The following IGF2BP3 variants were observed in gnomAD, a reference collection of about 807,000 sequenced individuals.
IGF2BP3 encodes insulin-like growth factor 2 mRNA-binding protein 3.
In IGF2BP3, 9 loss-of-function variants were observed where a neutral mutation model predicts 73.8. The observed-to-expected ratio is 0.12, with a 90% CI of 0.07 to 0.21. IGF2BP3 has a LOEUF of 0.21. IGF2BP3 is among the 10% of genes least tolerant of loss of function. IGF2BP3 has a pLI of 1.00. For missense variants in IGF2BP3, 542 were observed against 714.0 expected (o/e 0.76, Z 2.75); for synonymous variants, 258 against 256.7 (o/e 1.01, Z -0.05).
At chr7:23,410,010 A>T (rs1562735201) in intron 3 of IGF2BP3, among the ~76,000 whole-genome samples, 1 of 152,070 alleles carries the variant, frequency 6.6e-6, no homozygotes. Context: ...CTCTACCAAA[A>T]ATACAAAAAT....
At chr7:23,371,594 C>G (rs576792624) in intron 3 of IGF2BP3, among the ~76,000 whole-genome samples, 10 of 152,300 alleles carry the variant, frequency 6.6e-5, no homozygotes, top group Non-Finnish European at 1.2e-4. Flanking sequence ...AACCATTCCT[C>G]ACACTGGTGT....
intron 2 of IGF2BP3, among the ~76,000 whole-genome samples, chr7:23,439,745 G>A (rs1787888828): frequency 6.6e-6 from 1 of 152,104 alleles, no homozygotes; most frequent in African/African-American, 2.4e-5. Context: ...CTCCTTTCCA[G>A]TGTTGATATA....
chr7:23,377,268 T>C (rs1785754677), intron 3 of IGF2BP3, among the ~76,000 whole-genome samples: 1 of 152,116 alleles, frequency 6.6e-6, no homozygotes. Flanking sequence ...AAAGAACTCT[T>C]AAAACTCAAC....
At chr7:23,371,264 G>C (rs1295499835) in intron 3 of IGF2BP3, among the ~76,000 whole-genome samples, 1 of 151,964 alleles carries the variant, frequency 6.6e-6, no homozygotes, top group African/African-American at 2.4e-5. Flanking sequence ...TGCAACAAGA[G>C]AGGCAAAAAG....
intron 3 of IGF2BP3, among the ~76,000 whole-genome samples, chr7:23,372,983 A>C (rs1233863669): frequency 2.0e-5 from 3 of 152,222 alleles, no homozygotes; most frequent in African/African-American, 7.2e-5. Flanking sequence ...TCCAGAGCCC[A>C]TACTCTTAAT....
rs186560483 is a variant in IGF2BP3 at position 23,466,028 on chromosome 7, T to G, written c.236+2454A>C. On this transcript the variant is annotated intron_variant, in intron 2 of 14. Transcript: ENST00000258729. ...TTCCAGAGGCAGAGAAAAAAGGTTT[T>G]TTTTTTTTTTTGAGGTAGAGTTTCA... Among the ~76,000 whole-genome samples the G allele has an allele frequency of 4.8e-4, 73 of 151,888 alleles. 2 individuals are homozygous for G. In the East Asian group the frequency reaches 0.013, roughly 27 times the overall value.
At position 23,463,852 on chromosome 7, in the gene IGF2BP3, A is replaced by G. The variant is rs536626625; in HGVS notation, c.236+4630T>C. Among the ~76,000 whole-genome samples the G allele has an allele frequency of 2.0e-5, 3 of 152,358 alleles. No homozygotes were observed. In the South Asian group the frequency reaches 6.2e-4, roughly 32 times the overall value. On this transcript the variant is annotated intron_variant, in intron 2 of 14. Coordinates refer to ENST00000258729, the MANE Select transcript of IGF2BP3 (RefSeq NM_006547.3). ...AGAAAATATGAAATTAGGAAAAAAA[A>G]TCTTTTTAGCTACAACCACTTAGGC...
intron 2 of IGF2BP3, among the ~76,000 whole-genome samples, chr7:23,454,961 C>T (rs1788281803): frequency 6.6e-6 from 1 of 152,128 alleles, no homozygotes; most frequent in African/African-American, 2.4e-5. Context: ...TCACAATTTG[C>T]CTTAATTACC....
intron 5 of IGF2BP3, among the ~76,000 whole-genome samples, chr7:23,355,962 G>T (rs893094340): frequency 2.0e-5 from 3 of 151,748 alleles, no homozygotes; most frequent in Non-Finnish European, 4.4e-5. Context: ...TGTTCATTGG[G>T]GTAGATCACA....
intron 2 of IGF2BP3, among the ~76,000 whole-genome samples, chr7:23,444,525 G>A (rs556695077): frequency 2.2e-4 from 34 of 152,120 alleles, no homozygotes; most frequent in South Asian, 8.3e-4. Flanking sequence ...TGGATCACTT[G>A]AGGCCAGGAG....
In IGF2BP3 at chr7:23,336,186, T is replaced by C. The variant is rs62468196; in HGVS notation, c.1203+5878A>G. ...TAAAAGAAAAAGGAAGTAGTATATATTAAAAAAAAAAAATTATTTGAAACA... is the reference window on the plus strand; with the variant it reads ...TAAAAGAAAAAGGAAGTAGTATATACTAAAAAAAAAAAATTATTTGAAACA... On this transcript the variant is annotated intron_variant, in intron 10 of 14. Coordinates refer to ENST00000258729, the MANE Select transcript of IGF2BP3 (RefSeq NM_006547.3). Among the ~76,000 whole-genome samples the C allele has an allele frequency of 6.2e-5, 9 of 146,100 alleles. No homozygotes were observed. The South Asian group carries it at 1.7e-3, about 28-fold the overall frequency.
intron 10 of IGF2BP3, among the ~76,000 whole-genome samples, chr7:23,322,505 T>C (rs1784184701): frequency 6.6e-6 from 1 of 152,084 alleles, no homozygotes; most frequent in Non-Finnish European, 1.5e-5. Flanking sequence ...CTGCAGGATA[T>C]TATGCAGGAG....
At chr7:23,445,809 T>C (rs1486694872) in intron 2 of IGF2BP3, among the ~76,000 whole-genome samples, 1 of 152,112 alleles carries the variant, frequency 6.6e-6, no homozygotes, top group African/African-American at 2.4e-5. Context: ...AATAGTTATG[T>C]TTAAGTAGAG....
intron 1 of IGF2BP3, among the ~76,000 whole-genome samples, chr7:23,468,894 G>C (rs1317191424): frequency 6.6e-6 from 1 of 152,202 alleles, no homozygotes; most frequent in Non-Finnish European, 1.5e-5. Flanking sequence ...GCAGACTCGG[G>C]GCAGGGGGCT....
intron 3 of IGF2BP3, among the ~76,000 whole-genome samples, chr7:23,363,088 A>G (rs1297124057): frequency 6.6e-6 from 1 of 152,138 alleles, no homozygotes; most frequent in African/African-American, 2.4e-5. Context: ...GTTCCTTGAA[A>G]ATGTTTTTCA....
chr7:23,422,679 A>C (rs191967952), intron 2 of IGF2BP3, among the ~76,000 whole-genome samples: 1 of 152,318 alleles, frequency 6.6e-6, no homozygotes, highest in Admixed American at 6.5e-5. Flanking sequence ...CCATTTAATT[A>C]TTGGAAGTTT....
intron 3 of IGF2BP3, among the ~76,000 whole-genome samples, chr7:23,396,247 C>T (rs1786458745): frequency 6.6e-6 from 1 of 151,948 alleles, no homozygotes; most frequent in Non-Finnish European, 1.5e-5. Context: ...ATATAAAGTG[C>T]TGGCTTGGGG....
chr7:23,418,093 C>T (rs1787243413), intron 3 of IGF2BP3, among the ~76,000 whole-genome samples: 1 of 152,164 alleles, frequency 6.6e-6, no homozygotes, highest in Non-Finnish European at 1.5e-5. Flanking sequence ...GTCTAAAACA[C>T]ACAAAACTAG....
chr7:23,389,829 A>T (rs372794134), intron 3 of IGF2BP3, among the ~76,000 whole-genome samples: 2 of 88,848 alleles, frequency 2.3e-5, no homozygotes, highest in East Asian at 6.2e-4. Flanking sequence ...TCCCTTCTGT[A>T]AAAAAAAAAA....
Sources: gnomAD v4.1 joint callset for allele counts (sites outside exome capture counted in the v4.1 genomes callset) on GRCh38, gnomAD v4.1.1 for gene constraint, MANE v1.5 for transcripts, NCBI Gene and HGNC (gene_info 2026-07-23, HGNC 2026-07-21) for gene names.